The following STAG3 variants were observed in gnomAD, a reference collection of about 807,000 sequenced individuals.
STAG3 encodes cohesin subunit SA-3.
STAG3 carries 101 observed loss-of-function variants against 160.7 expected under a neutral mutation model. The observed-to-expected ratio is 0.63, with a 90% CI of 0.54 to 0.74. The LOEUF is 0.74. Ranked by LOEUF, STAG3 falls within the 30% of genes least tolerant of loss-of-function variation. STAG3 has a pLI of 0.00. For missense variants in STAG3, 1,188 were observed against 1,517.4 expected (o/e 0.78, Z 3.61); for synonymous variants, 519 against 585.0 (o/e 0.89, Z 1.63).
Position 100,195,383 on chromosome 7 carries a change from G to A in STAG3, c.941+1G>A. ...GGGGTGTCTTTGTTCATCGGTACAG[G>A]TGAGCTAATGGGCCTCTCTCATTGA... On this transcript the variant is annotated splice_donor_variant, in intron 9 of 33. Coordinates refer to ENST00000615138, the MANE Select transcript of STAG3 (RefSeq NM_001282717.2). LOFTEE classifies it high-confidence loss of function. The A allele has an allele frequency of 6.2e-7, 1 of 1,613,662 alleles. No individual in the cohort carries two copies. Among genetic ancestry groups the A allele is most frequent in the Non-Finnish European group, 8.5e-7 (1 of 1,179,744 alleles).
chr7:100,188,884 G>T lies in STAG3; in HGVS notation c.583G>T (p.Val195Leu). 3 of 1,614,168 alleles carry T rather than the reference G, an allele frequency of 1.9e-6. No individual in the cohort carries two copies. Among genetic ancestry groups the T allele is most frequent in the Non-Finnish European group, 2.5e-6 (3 of 1,180,040 alleles). ...GTTCCAGGGCAGCTTCTGTGAATTT[G>T]TGAGGACATTGGTCTGTCAGTGCCA... ...KKFQGSFCEFVRTLVCQCQYS... is the reference protein window; with the variant it reads ...KKFQGSFCEFLRTLVCQCQYS... Residue 195 changes from valine to leucine, a missense_variant, in exon 7 of 34, where the codon GTG (valine) becomes TTG (leucine). Val to Leu is a conservative substitution (Grantham distance 32). Transcript: ENST00000615138.
At chr7:100,208,228 G>A (rs1801845944) in intron 29 of STAG3, among the ~76,000 whole-genome samples, 1 of 152,044 alleles carries the variant, frequency 6.6e-6, no homozygotes, top group Admixed American at 6.6e-5. Flanking sequence ...GTTGTCTTCT[G>A]TGTACCACCT....
intron 16 of STAG3, 122 bp from the exon 17 acceptor site, chr7:100,200,114 T>G: frequency 1.7e-6 from 1 of 589,002 alleles, no homozygotes; most frequent in Non-Finnish European, 2.9e-6. Flanking sequence ...AGAAATCTCG[T>G]GGGAGCTACT....
chr7:100,185,473 A>T (rs1484115117), intron 4 of STAG3, among the ~76,000 whole-genome samples: 3 of 151,868 alleles, frequency 2.0e-5, no homozygotes, highest in Admixed American at 1.3e-4. Context: ...GTGGTGGCGC[A>T]CACCTGTAAT....
chr7:100,210,017 G>C (rs1802031320), intron 29 of STAG3, among the ~76,000 whole-genome samples: 1 of 152,236 alleles, frequency 6.6e-6, no homozygotes, highest in African/African-American at 2.4e-5. Flanking sequence ...ATCCCTTTGG[G>C]ATGTGGCAGA....
rs769223585 is a variant in STAG3 at position 100,211,504 on chromosome 7, C to T, written c.3483C>T (p.Asn1161=). 6.2e-7 allele frequency: 1 copy of T among 1,613,932 alleles called. No homozygotes were observed. Among genetic ancestry groups the T allele is most frequent in the Non-Finnish European group, 8.5e-7 (1 of 1,180,008 alleles). Residue 1161 remains asparagine, a synonymous_variant, in exon 31 of 34, where the codon AAC becomes AAT. Transcript: ENST00000615138. The part of the protein sequence containing the change: ...LGPQYFQTPH[N]PSGPGLGNQL... ...CACAATATTTCCAGACTCCACACAACCCTTCAGGTCCTGGCCTGGGCAACC... is the reference window on the plus strand; with the variant it reads ...CACAATATTTCCAGACTCCACACAATCCTTCAGGTCCTGGCCTGGGCAACC...
At chr7:100,215,108 T>A (rs1199775440), downstream of STAG3, 1 of 152,214 alleles carries the variant, frequency 6.6e-6, no homozygotes, top group Non-Finnish European at 1.5e-5. Context: ...AAGACGGCTG[T>A]TGTCATTTTG....
chr7:100,202,408 A>G (rs747677188), intron 24 of STAG3, 46 bp from the exon 25 acceptor site: 1 of 1,609,724 alleles, frequency 6.2e-7, no homozygotes, highest in Admixed American at 1.7e-5. Context: ...AATATAGGGC[A>G]GGAAGCTTAA....
Position 100,205,212 on chromosome 7 carries a change from C to T in STAG3, c.3081-15C>T, listed in dbSNP as rs769626098. 264 of 1,613,402 alleles carry T rather than the reference C, an allele frequency of 1.6e-4. 9 individuals are homozygous for T. The South Asian group carries it at 2.8e-3, about 17-fold the overall frequency. Reference sequence around the variant, plus strand: ...CAGTAGCCCCTTCAGGCTTTTGGTTCTACCTCTTTCATAGACTGTCCTATC... The same window carrying T: ...CAGTAGCCCCTTCAGGCTTTTGGTTTTACCTCTTTCATAGACTGTCCTATC... On this transcript the variant is annotated splice_polypyrimidine_tract_variant and intron_variant, in intron 28 of 33. Coordinates refer to ENST00000615138, the MANE Select transcript of STAG3 (RefSeq NM_001282717.2).
chr7:100,192,083 A>G (rs13312469), intron 8 of STAG3, among the ~76,000 whole-genome samples: 2 of 152,162 alleles, frequency 1.3e-5, no homozygotes, highest in African/African-American at 2.4e-5. Flanking sequence ...TTCTCTTGCT[A>G]TTTCCACTGC....
In STAG3 at chr7:100,197,797, AGTGTGT is replaced by A; in HGVS notation, c.1087_1092del (p.Cys363_Val364del). ...CACCAGCACCGAGAAGTCCGCCTGA[AGTGTGT>A]GAAGGCCCTGAAAGGGCTGTACGGT... On this transcript the variant is annotated inframe_deletion, in exon 11 of 34. Coordinates refer to ENST00000615138, the MANE Select transcript of STAG3 (RefSeq NM_001282717.2). 1 of 1,613,262 alleles carries A rather than the reference AGTGTGT, an allele frequency of 6.2e-7. No homozygotes were observed. The highest frequency in any genetic ancestry group is 8.5e-7 in the Non-Finnish European group (1 of 1,179,834).
In STAG3 at chr7:100,207,184, T is replaced by C. The variant is rs1236310538; in HGVS notation, c.3238+1800T>C. ...TATGCATAATGCTGCTAAACATGCA[T>C]GTACACATTTTTGGGTGGATGCATC... On this transcript the variant is annotated intron_variant, in intron 29 of 33. Transcript: ENST00000615138. The surrounding 1 kb of genome is among the most constrained non-coding windows in gnomAD (Gnocchi z 4.0). 6.6e-6 allele frequency among the ~76,000 whole-genome samples: 1 copy of C among 152,244 alleles called. No individual in the cohort carries two copies. The highest frequency in any genetic ancestry group is 1.5e-5 in the Non-Finnish European group (1 of 68,048).
chr7:100,205,143 T>C lies in STAG3; in HGVS notation c.3080+10T>C, dbSNP rs952266688. On this transcript the variant is annotated intron_variant, in intron 28 of 33. Coordinates refer to ENST00000615138, the MANE Select transcript of STAG3 (RefSeq NM_001282717.2). ...AGGACAAGCAGCTTTTGTAAGTTGGTGGGTGGATAGAGATGTGGATTAGGG... is the reference window on the plus strand; with the variant it reads ...AGGACAAGCAGCTTTTGTAAGTTGGCGGGTGGATAGAGATGTGGATTAGGG... The C allele has an allele frequency of 1.2e-6, 2 of 1,613,968 alleles. No homozygotes were observed. The highest frequency in any genetic ancestry group is 1.7e-5 in the Admixed American group (1 of 59,998).
Position 100,211,448 on chromosome 7 carries a change from G to T in STAG3, c.3427G>T (p.Ala1143Ser), listed in dbSNP as rs199936186. 6.2e-7 allele frequency: 1 copy of T among 1,613,422 alleles called. No homozygotes were observed. The highest frequency in any genetic ancestry group is 8.5e-7 in the Non-Finnish European group (1 of 1,179,924). ...LDFAQGSQPVAGTERSRFLGP... is the reference protein window; with the variant it reads ...LDFAQGSQPVSGTERSRFLGP... The stretch of plus-strand genomic sequence containing the variant: ...CTTCATTCCCAGCAGTCAGCCCGTC[G>T]CAGGCACCGAGAGGTCAAGGTTCTT... Residue 1143 changes from alanine to serine, a missense_variant, in exon 31 of 34, where the codon GCA becomes TCA. By Grantham distance (99) the Ala-to-Ser change is moderately conservative (BLOSUM62 1). Coordinates refer to ENST00000615138, the MANE Select transcript of STAG3 (RefSeq NM_001282717.2).
chr7:100,200,667 T>C, intron 18 of STAG3, 102 bp from the exon 19 acceptor site: 1 of 1,536,404 alleles, frequency 6.5e-7, no homozygotes, highest in Non-Finnish European at 8.9e-7. Flanking sequence ...CTTAGGCATC[T>C]TATCCTTGAA....
At chr7:100,185,579 G>T (rs1160383001) in intron 4 of STAG3, among the ~76,000 whole-genome samples, 2 of 148,780 alleles carry the variant, frequency 1.3e-5, no homozygotes, top group African/African-American at 5.0e-5. Context: ...TCCAGCTTGG[G>T]CTACAGAGTG....
chr7:100,201,098 C>T lies in STAG3; in HGVS notation c.2070C>T (p.Phe690=). 1 of 1,614,176 alleles carries T rather than the reference C, an allele frequency of 6.2e-7. No individual in the cohort carries two copies. Among genetic ancestry groups the T allele is most frequent in the Non-Finnish European group, 8.5e-7 (1 of 1,180,032 alleles). The change falls in exon 20 of 34, where the codon TTC becomes TTT. Residue 690 remains phenylalanine (F), a synonymous_variant. Transcript: ENST00000615138. ...QELEELLQSS[F]LDEDEVYNLA... ...TCTTCTTTCCTTCTCAGTCGTCCTT[C>T]CTAGATGAGGATGAGGTATATAATC...
At chr7:100,192,684 G>A (rs1800414595) in intron 8 of STAG3, among the ~76,000 whole-genome samples, 1 of 152,156 alleles carries the variant, frequency 6.6e-6, no homozygotes, top group Non-Finnish European at 1.5e-5. Flanking sequence ...CCAACCTCCT[G>A]TGCTCAAGTG....
chr7:100,196,146 GA>G (rs375473347), intron 9 of STAG3, among the ~76,000 whole-genome samples: 2,164 of 148,774 alleles, frequency 0.015, 18 homozygotes, highest in Non-Finnish European at 0.018. Flanking sequence ...AGAAAAAAAA[GA>G]AAAAAAAAAT....
Sources: allele counts gnomAD v4.1 joint callset (sites outside exome capture counted in the v4.1 genomes callset), GRCh38; gene constraint gnomAD v4.1.1; non-coding constraint Gnocchi (gnomAD v3.1); transcripts MANE v1.5; gene names NCBI Gene and HGNC (gene_info 2026-07-23, HGNC 2026-07-21).